The following PAX2 variants were observed in gnomAD, a reference collection of about 807,000 sequenced individuals.
The protein encoded by PAX2 is paired box protein Pax-2.
In PAX2, 9 loss-of-function variants were observed where a neutral mutation model predicts 41.7. The ratio of observed to expected loss-of-function variants is 0.22; its 90% CI spans 0.13 to 0.38. The LOEUF is 0.38. Among genes scored for constraint, PAX2 ranks in the 10% least tolerant of loss-of-function variants. The pLI, the probability that PAX2 is intolerant of heterozygous loss-of-function variation, is 1.00. For missense variants in PAX2, 418 were observed against 531.6 expected (o/e 0.79, Z 2.10); for synonymous variants, 221 against 212.7 (o/e 1.04, Z -0.34).
chr10:100,806,404 GC>G, intron 5 of PAX2, 25 bp from the exon 6 acceptor site: 1 of 1,613,668 alleles, frequency 6.2e-7, no homozygotes, highest in Non-Finnish European at 8.5e-7. Context: ...TGGCGCTAAC[GC>G]CCCGAGTGTC....
At chr10:100,766,695 A>G (rs1846041935) in intron 3 of PAX2, among the ~76,000 whole-genome samples, 1 of 152,218 alleles carries the variant, frequency 6.6e-6, no homozygotes, top group African/African-American at 2.4e-5. Flanking sequence ...CATCTCTAGA[A>G]TCTTCCTTCT....
chr10:100,795,960 C>G (rs1161313499), intron 5 of PAX2, among the ~76,000 whole-genome samples: 1 of 152,216 alleles, frequency 6.6e-6, no homozygotes, highest in Non-Finnish European at 1.5e-5. Flanking sequence ...GAGCCAAAAC[C>G]TGCCTTTCTT....
In PAX2 at chr10:100,827,141, G is replaced by C; in HGVS notation, c.1108+46G>C. The C allele has an allele frequency of 6.7e-7, 1 of 1,496,140 alleles. No individual in the cohort carries two copies. The highest frequency in any genetic ancestry group is 2.3e-5 in the East Asian group (1 of 43,986). 92.7% of individuals were successfully genotyped at this position (1,496,140 alleles called of 1,614,324 possible). A position where few individuals can be genotyped will look rare whatever the true frequency, so the allele number is the denominator to read the frequency against. Reference sequence around the variant, plus strand: ...GCCGGCGGCTCAGCGCGGCCGCGCGGCTTCTGGGCACGGTCCCACTCCCGG... The same window carrying C: ...GCCGGCGGCTCAGCGCGGCCGCGCGCCTTCTGGGCACGGTCCCACTCCCGG... On this transcript the variant is annotated intron_variant, in intron 9 of 9. Transcript: ENST00000355243. The surrounding 1 kb of genome is among the most constrained non-coding windows in gnomAD (Gnocchi z 8.5).
At chr10:100,773,399 A>G (rs568334713) in intron 3 of PAX2, among the ~76,000 whole-genome samples, 138 of 152,272 alleles carry the variant, frequency 9.1e-4, no homozygotes, top group Non-Finnish European at 1.5e-3. Context: ...GGTCACCTCA[A>G]TGCTAATAGG....
rs606231415 is a variant in PAX2 at position 100,824,982 on chromosome 10, A to T, written c.1021+233A>T. On this transcript the variant is annotated intron_variant, in intron 8 of 9. Coordinates refer to ENST00000355243, the MANE Select transcript of PAX2 (RefSeq NM_000278.5). The surrounding 1 kb of genome is among the most constrained non-coding windows in gnomAD (Gnocchi z 6.6). ...AGAAGTGCCCCCTTGTGTGCAACCC[A>T]CTGTATGTCATGGCCCCTCCACAGC... 4.3e-6 allele frequency: 7 copies of T among 1,613,206 alleles called. No homozygotes were observed. The highest frequency in any genetic ancestry group is 5.9e-6 in the Non-Finnish European group (7 of 1,179,458).
At chr10:100,816,347 T>C (rs1281872824) in intron 7 of PAX2, among the ~76,000 whole-genome samples, 1 of 152,260 alleles carries the variant, frequency 6.6e-6, no homozygotes, top group Admixed American at 6.5e-5. Context: ...ACTTGATGTG[T>C]CCCACAGGGG....
In PAX2 at chr10:100,774,940, A is replaced by G. The variant is rs149613099; in HGVS notation, c.411-4558A>G. On this transcript the variant is annotated intron_variant, in intron 3 of 9. Transcript: ENST00000355243. ...AAGTCCCCATGCGGGGCCCAGGCCAAAGCCCTGGAGGTCCCCAGGAAAGGG... is the reference window on the plus strand; with the variant it reads ...AAGTCCCCATGCGGGGCCCAGGCCAGAGCCCTGGAGGTCCCCAGGAAAGGG... 5.1e-3 allele frequency among the ~76,000 whole-genome samples: 774 copies of G among 152,368 alleles called. 11 individuals are homozygous for G. Among genetic ancestry groups the G allele is most frequent in the African/African-American group, 0.018 (742 of 41,586 alleles).
intron 5 of PAX2, among the ~76,000 whole-genome samples, chr10:100,800,273 C>CTTTTTTTTTTTTT (rs59487758): frequency 2.8e-5 from 3 of 108,386 alleles, no homozygotes; most frequent in African/African-American, 4.3e-5. Flanking sequence ...TCTTTTCTTT[C>CTTTTTTTTTTTTT]TTTTTTTTTT....
chr10:100,825,972 C>A (rs1589908402), intron 8 of PAX2, among the ~76,000 whole-genome samples: 1 of 111,772 alleles, frequency 8.9e-6, no homozygotes, highest in African/African-American at 3.6e-5. Flanking sequence ...GAGGTGGGGG[C>A]AGGGAGTCTG....
intron 3 of PAX2, among the ~76,000 whole-genome samples, chr10:100,763,591 A>G (rs1181272961): frequency 6.6e-6 from 1 of 152,200 alleles, no homozygotes; most frequent in Non-Finnish European, 1.5e-5. Context: ...CCAGGAGGGT[A>G]GATCACTTTG....
At chr10:100,774,157 C>T (rs1406751892) in intron 3 of PAX2, among the ~76,000 whole-genome samples, 2 of 152,120 alleles carry the variant, frequency 1.3e-5, no homozygotes, top group Non-Finnish European at 2.9e-5. Context: ...AAAGGTGGAG[C>T]GCTTCTCTCT....
At chr10:100,747,343 A>T (rs955139078) in intron 1 of PAX2, 5 of 152,326 alleles carry the variant, frequency 3.3e-5, no homozygotes, top group African/African-American at 1.2e-4. Context: ...AAATTAAAGA[A>T]AGAAAGTTGA....
chr10:100,802,483 T>C (rs1847598627), intron 5 of PAX2, among the ~76,000 whole-genome samples: 1 of 152,168 alleles, frequency 6.6e-6, no homozygotes, highest in South Asian at 2.1e-4. Context: ...CTGATGCTGT[T>C]AGAGGCTAAC....
At chr10:100,783,659 C>CG (rs1554861069) in intron 5 of PAX2, among the ~76,000 whole-genome samples, 1 of 118,476 alleles carries the variant, frequency 8.4e-6, no homozygotes, top group African/African-American at 3.2e-5. Context: ...GGAGTTTGGG[C>CG]TTTTTTTTTT....
chr10:100,806,163 C>T (rs1193882930), intron 5 of PAX2, among the ~76,000 whole-genome samples: 1 of 152,190 alleles, frequency 6.6e-6, no homozygotes, highest in Non-Finnish European at 1.5e-5. Flanking sequence ...TCCACCTCTG[C>T]CTAATCCTTC....
Position 100,745,875 on chromosome 10 carries a change from C to T in PAX2, c.-386C>T, listed in dbSNP as rs1044080259. 3.1e-5 allele frequency: 35 copies of T among 1,116,906 alleles called. No homozygotes were observed. The highest frequency in any genetic ancestry group is 3.6e-5 in the Non-Finnish European group (33 of 914,786). The allele number at this position is 1,116,906 out of a possible 1,614,324, so 69.2% of individuals were successfully genotyped here. ...GCCCCGCGCGCTCTCCGACCACCGC[C>T]TCTCGGATGACCAGGTTCCAGGGGA... On this transcript the variant is annotated 5_prime_UTR_variant, in exon 1 of 10. Coordinates refer to ENST00000355243, the MANE Select transcript of PAX2 (RefSeq NM_000278.5).
At chr10:100,785,045 C>T (rs1386252303) in intron 5 of PAX2, among the ~76,000 whole-genome samples, 1 of 152,164 alleles carries the variant, frequency 6.6e-6, no homozygotes, top group Non-Finnish European at 1.5e-5. Flanking sequence ...GGTAGAATCC[C>T]CATTCATATC....
chr10:100,803,559 G>A (rs905878901), intron 5 of PAX2, among the ~76,000 whole-genome samples: 50 of 151,938 alleles, frequency 3.3e-4, no homozygotes, highest in African/African-American at 1.1e-3. Context: ...TGGGCCCTGC[G>A]GCTCACCTCC....
At position 100,778,471 on chromosome 10, in the gene PAX2, T is replaced by A. The variant is rs1012368566; in HGVS notation, c.411-1027T>A. Reference sequence around the variant, plus strand: ...GGGCCTTATCCCAACTGCCTGCAAGTGTTCAGGAAAAGCTTTTAGAGCTGA... The same window carrying A: ...GGGCCTTATCCCAACTGCCTGCAAGAGTTCAGGAAAAGCTTTTAGAGCTGA... On this transcript the variant is annotated intron_variant, in intron 3 of 9. Transcript: ENST00000355243. Among the ~76,000 whole-genome samples the A allele has an allele frequency of 3.3e-5, 5 of 152,228 alleles. No homozygotes were observed. The East Asian group carries it at 5.8e-4, about 18-fold the overall frequency.
Sources: gnomAD v4.1 joint callset for allele counts (sites outside exome capture counted in the v4.1 genomes callset) on GRCh38, gnomAD v4.1.1 for gene constraint, Gnocchi (gnomAD v3.1) non-coding constraint, MANE v1.5 for transcripts, NCBI Gene and HGNC (gene_info 2026-07-23, HGNC 2026-07-21) for gene names.